Variants in MITF observed in about 807,000 individuals in gnomAD.
The protein encoded by MITF is melanocyte inducing transcription factor, also known as microphthalmia-associated transcription factor.
A neutral mutation model predicts 60.5 loss-of-function variants in MITF; 17 were observed. The observed-to-expected ratio is 0.28, with a 90% CI of 0.19 to 0.42. MITF has a LOEUF of 0.42. MITF is among the 10% of genes least tolerant of loss of function. MITF has a pLI of 1.00. For synonymous variants in MITF, 260 were observed against 248.5 expected (o/e 1.05, Z -0.43); for missense variants, 622 against 683.5 (o/e 0.91, Z 1.00).
chr3:69,877,273 T>G (rs1402402635), intron 1 of MITF, among the ~76,000 whole-genome samples: 2 of 152,310 alleles, frequency 1.3e-5, no homozygotes, highest in East Asian at 3.9e-4. Flanking sequence ...GTAATATCAG[T>G]TTTTGCACAT....
chr3:69,952,773 A>T (rs2066288380), intron 7 of MITF, among the ~76,000 whole-genome samples: 1 of 152,192 alleles, frequency 6.6e-6, no homozygotes, highest in Non-Finnish European at 1.5e-5. Context: ...ATGTTTTAAC[A>T]CAAACGGTAT....
Position 69,896,527 on chromosome 3 carries a change from G to C in MITF, c.354+17144G>C, listed in dbSNP as rs183820621. On this transcript the variant is annotated intron_variant, in intron 2 of 9. Transcript: ENST00000352241. ...GGGATGCTAGCTGCAGAATCCAGTA[G>C]AAATTTAACCAGCTGATGCTGAATT... Among the ~76,000 whole-genome samples the C allele has an allele frequency of 5.9e-5, 9 of 152,376 alleles. No homozygotes were observed. The East Asian group carries it at 1.7e-3, about 29-fold the overall frequency.
intron 1 of MITF, among the ~76,000 whole-genome samples, chr3:69,831,710 C>A (rs2107100055): frequency 6.6e-6 from 1 of 152,226 alleles, no homozygotes; most frequent in South Asian, 2.1e-4. Flanking sequence ...TTGAATCTTA[C>A]AGTTAATCAA....
intron 1 of MITF, among the ~76,000 whole-genome samples, chr3:69,759,129 G>T (rs547871693): frequency 5.9e-5 from 9 of 152,192 alleles, no homozygotes; most frequent in Non-Finnish European, 1.3e-4. Flanking sequence ...TACAGGATAA[G>T]TTCCTTAGAG....
intron 2 of MITF, among the ~76,000 whole-genome samples, chr3:69,894,652 C>G (rs1050015521): frequency 4.0e-5 from 6 of 151,052 alleles, no homozygotes; most frequent in Non-Finnish European, 5.9e-5. Context: ...TGCCATTGCA[C>G]CCCAGCCTGA....
intron 1 of MITF, among the ~76,000 whole-genome samples, chr3:69,830,154 C>G (rs764456014): frequency 1.3e-4 from 20 of 152,056 alleles, no homozygotes; most frequent in Non-Finnish European, 1.8e-4. Flanking sequence ...GGTTCCCTTG[C>G]TTTCATCAGG....
chr3:69,961,306 C>T lies in MITF; in HGVS notation c.1179+1886C>T, dbSNP rs545319356. ...GCTGAGGCAGAGAATCACTTGAACC[C>T]GGGAGGCAGAGGTTGCAGTGAGCCA... is the stretch of plus-strand genomic sequence containing the variant. On this transcript the variant is annotated intron_variant, in intron 9 of 9. Transcript: ENST00000352241. Among the ~76,000 whole-genome samples the T allele has an allele frequency of 2.5e-4, 38 of 150,630 alleles. 1 individual carries two copies. Among genetic ancestry groups the T allele is most frequent in the African/African-American group, 8.5e-4 (35 of 40,988 alleles).
chr3:69,804,839 C>T (rs772089128), intron 1 of MITF, among the ~76,000 whole-genome samples: 1 of 152,188 alleles, frequency 6.6e-6, no homozygotes, highest in Non-Finnish European at 1.5e-5. Flanking sequence ...CGTCTCTAGA[C>T]TTAATCATGC....
At chr3:69,855,288 GA>G (rs2063898240) in intron 1 of MITF, among the ~76,000 whole-genome samples, 4 of 108,900 alleles carry the variant, frequency 3.7e-5, no homozygotes, top group South Asian at 6.0e-4. Context: ...AACACTTAAA[GA>G]AAAAAAAGTA....
intron 1 of MITF, among the ~76,000 whole-genome samples, chr3:69,853,371 G>T (rs2063858661): frequency 6.6e-6 from 1 of 152,070 alleles, no homozygotes; most frequent in Non-Finnish European, 1.5e-5. Flanking sequence ...TGTCTTTAAA[G>T]AGTAGTTTAT....
At chr3:69,761,993 T>C (rs1213493678) in intron 1 of MITF, among the ~76,000 whole-genome samples, 4 of 152,176 alleles carry the variant, frequency 2.6e-5, no homozygotes, top group African/African-American at 9.7e-5. Context: ...TAACCTGACT[T>C]GTTGATTGCT....
chr3:69,775,393 G>A (rs1243521474), intron 1 of MITF, among the ~76,000 whole-genome samples: 1 of 152,136 alleles, frequency 6.6e-6, no homozygotes, highest in African/African-American at 2.4e-5. Flanking sequence ...GGTAACAACT[G>A]TTATTGGTTT....
intron 2 of MITF, among the ~76,000 whole-genome samples, chr3:69,884,253 T>C (rs189437890): frequency 3.3e-5 from 5 of 152,272 alleles, no homozygotes; most frequent in African/African-American, 9.6e-5. Context: ...GTTAACAGTT[T>C]AGGATGCAGC....
intron 1 of MITF, among the ~76,000 whole-genome samples, chr3:69,796,273 G>T (rs1397553271): frequency 6.6e-6 from 1 of 151,958 alleles, no homozygotes; most frequent in Non-Finnish European, 1.5e-5. Context: ...GAGCCACTGC[G>T]CCTGGCCTCT....
intron 2 of MITF, among the ~76,000 whole-genome samples, chr3:69,919,436 A>G (rs2065412200): frequency 6.6e-6 from 1 of 152,242 alleles, no homozygotes; most frequent in South Asian, 2.1e-4. Context: ...AAATAAAACG[A>G]TCTAGAATCT....
intron 9 of MITF, among the ~76,000 whole-genome samples, chr3:69,962,190 A>C (rs1364215182): frequency 6.6e-6 from 1 of 152,200 alleles, no homozygotes; most frequent in African/African-American, 2.4e-5. Context: ...TCTTATTAGC[A>C]TGTTGGTGTA....
At chr3:69,818,005 A>G (rs1200862686) in intron 1 of MITF, among the ~76,000 whole-genome samples, 3 of 152,178 alleles carry the variant, frequency 2.0e-5, no homozygotes, top group Non-Finnish European at 4.4e-5. Flanking sequence ...TGTTAGGATA[A>G]AACTTCGCTG....
intron 1 of MITF, among the ~76,000 whole-genome samples, chr3:69,804,108 T>C (rs1197195200): frequency 6.6e-6 from 1 of 152,200 alleles, no homozygotes; most frequent in Non-Finnish European, 1.5e-5. Context: ...TAATTGTATA[T>C]GAAATGTCTA....
intron 1 of MITF, among the ~76,000 whole-genome samples, chr3:69,838,093 T>G (rs562351199): frequency 1.6e-3 from 245 of 152,316 alleles, no homozygotes; most frequent in African/African-American, 5.6e-3. Flanking sequence ...ATTATTATTA[T>G]AAAAAACAAT....
Sources: gnomAD v4.1 joint callset for allele counts (sites outside exome capture counted in the v4.1 genomes callset) on GRCh38, gnomAD v4.1.1 for gene constraint, MANE v1.5 for transcripts, NCBI Gene and HGNC (gene_info 2026-07-23, HGNC 2026-07-21) for gene names.